The following TRIM24 variants were observed in gnomAD, a reference collection of about 807,000 sequenced individuals.
The protein encoded by TRIM24 is tripartite motif containing 24.
TRIM24 carries 29 observed loss-of-function variants against 123.9 expected under a neutral mutation model. The ratio of observed to expected loss-of-function variants is 0.23; its 90% CI spans 0.17 to 0.32. The LOEUF (loss-of-function observed/expected upper bound fraction) is 0.32. TRIM24 is among the 10% of genes least tolerant of loss of function. TRIM24 has a pLI of 1.00. For synonymous variants in TRIM24, 456 were observed against 461.1 expected, an observed-to-expected ratio of 0.99 and a Z score of 0.14; for missense variants, 932 against 1,295.3, an observed-to-expected ratio of 0.72 and a Z score of 4.31.
intron 6 of TRIM24, among the ~76,000 whole-genome samples, chr7:138,532,917 G>A (rs1362110269): frequency 1.3e-5 from 2 of 152,130 alleles, no homozygotes; most frequent in African/African-American, 4.8e-5. Context: ...TCTCCATGAA[G>A]GGGTCCTTCA....
At position 138,460,585 on chromosome 7, in the gene TRIM24, G is replaced by A; in HGVS notation, c.37G>A (p.Ala13Thr). Residue 13 changes from alanine to threonine, a missense_variant, in exon 1 of 19, where the codon GCA becomes ACA. Coordinates refer to ENST00000343526, the MANE Select transcript of TRIM24 (RefSeq NM_015905.3). ...GGTGGAGAAGGCGGTGGCGGCGGCG[G>A]CAGCGGCCTCGGCTGCGGCCTCCGG... ...VAVEKAVAAA[A>T]AASAAASGGP... 1.5e-6 allele frequency: 2 copies of A among 1,315,838 alleles called. No homozygotes were observed. Among genetic ancestry groups the A allele is most frequent in the Non-Finnish European group, 1.9e-6 (2 of 1,042,898 alleles). 81.5% of individuals were successfully genotyped at this position (1,315,838 alleles called of 1,614,324 possible). A position where few individuals can be genotyped will look rare whatever the true frequency, so the allele number is the denominator to read the frequency against.
chr7:138,533,344 A>G (rs887731772), intron 6 of TRIM24, among the ~76,000 whole-genome samples: 21 of 152,120 alleles, frequency 1.4e-4, no homozygotes, highest in African/African-American at 5.1e-4. Context: ...TATGATATTG[A>G]CTGTGGGTTT....
At chr7:138,511,396 G>C (rs1345861229) in intron 2 of TRIM24, among the ~76,000 whole-genome samples, 1 of 151,850 alleles carries the variant, frequency 6.6e-6, no homozygotes, top group East Asian at 1.9e-4. Flanking sequence ...TGCCTCCCAG[G>C]TTCAAGCGAT....
Position 138,577,510 on chromosome 7 carries a change from C to T in TRIM24, c.2178C>T (p.Asn726=), listed in dbSNP as rs1198787358. ...MLEPIRIKQE[N]SGPPENYDFP... is the part of the protein sequence containing the mutation. ...AGCCAATTCGAATAAAACAAGAAAA[C>T]AGTGGACCACCGGAAAATTATGATT... The change falls in exon 14 of 19, where the codon AAC becomes AAT. Residue 726 remains asparagine (N), a synonymous_variant. Transcript: ENST00000343526. 6.2e-7 allele frequency: 1 copy of T among 1,611,126 alleles called. No homozygotes were observed. The highest frequency in any genetic ancestry group is 8.5e-7 in the Non-Finnish European group (1 of 1,178,890).
intron 1 of TRIM24, among the ~76,000 whole-genome samples, chr7:138,494,069 C>A (rs1284546238): frequency 6.6e-6 from 1 of 151,988 alleles, no homozygotes; most frequent in Non-Finnish European, 1.5e-5. Context: ...GGAACCTCCG[C>A]CTCCTGGGTT....
At chr7:138,486,057 T>C (rs1170703148) in intron 1 of TRIM24, among the ~76,000 whole-genome samples, 1 of 152,238 alleles carries the variant, frequency 6.6e-6, no homozygotes, top group Non-Finnish European at 1.5e-5. Context: ...TGGTATCTCA[T>C]TGTGGTTTTG....
At chr7:138,546,212 G>A (rs573036328) in intron 7 of TRIM24, among the ~76,000 whole-genome samples, 3 of 152,252 alleles carry the variant, frequency 2.0e-5, no homozygotes, top group Non-Finnish European at 2.9e-5. Flanking sequence ...TTCCTGGCAC[G>A]TCATCATTTG....
chr7:138,467,593 G>A (rs914606428), intron 1 of TRIM24, among the ~76,000 whole-genome samples: 5 of 151,946 alleles, frequency 3.3e-5, no homozygotes, highest in South Asian at 2.1e-4. Flanking sequence ...TGCCCGCCTC[G>A]GCCTCCCAAA....
At chr7:138,549,342 C>T (rs1221387829) in intron 7 of TRIM24, among the ~76,000 whole-genome samples, 1 of 152,108 alleles carries the variant, frequency 6.6e-6, no homozygotes, top group Non-Finnish European at 1.5e-5. Context: ...CAGCACATAG[C>T]GGTGTGGGAG....
chr7:138,501,391 C>T (rs879647640), intron 1 of TRIM24, among the ~76,000 whole-genome samples: 2 of 151,882 alleles, frequency 1.3e-5, no homozygotes, highest in Non-Finnish European at 2.9e-5. Flanking sequence ...CCACTGCACC[C>T]GGCCAATTTG....
rs764592768 is a variant in TRIM24 at position 138,584,814 on chromosome 7, C to G, written c.3016C>G (p.Pro1006Ala). 1.2e-6 allele frequency: 2 copies of G among 1,613,192 alleles called. No individual in the cohort carries two copies. Among genetic ancestry groups the G allele is most frequent in the Non-Finnish European group, 1.7e-6 (2 of 1,179,684 alleles). Residue 1006 changes from proline (P) to alanine (A), a missense_variant, in exon 19 of 19, where the codon CCA (proline) becomes GCA (alanine). Transcript: ENST00000343526. ...TGAAGAACTTCTAAAGAACCTCTAT[C>G]CAGAAAAAAGGTTTCCCAAACCAGA... The part of the protein sequence containing the change: ...YFEELLKNLY[P>A]EKRFPKPEFR...
chr7:138,566,303 G>A (rs936326862), intron 9 of TRIM24, among the ~76,000 whole-genome samples: 1 of 152,016 alleles, frequency 6.6e-6, no homozygotes, highest in Admixed American at 6.6e-5. Context: ...ATCACTTGAG[G>A]TCAGGAGTTC....
intron 1 of TRIM24, 73 bp downstream of exon 1, chr7:138,460,985 G>T (rs1794951201): frequency 7.6e-6 from 10 of 1,308,768 alleles, no homozygotes; most frequent in Non-Finnish European, 9.8e-6. Context: ...TGTGCGGCGC[G>T]ACCCGCTGTC....
rs1263205161 is a variant in TRIM24, at chr7:138,584,015, G to A, written c.2943+16G>A. ...ATTCAATGAGGTGAGGCTAGGGGAG[G>A]GAAGGGGGCAGGAAGGAACAGCAGT... is the stretch of plus-strand genomic sequence containing the variant. On this transcript the variant is annotated intron_variant, in intron 18 of 18. Coordinates refer to ENST00000343526, the MANE Select transcript of TRIM24 (RefSeq NM_015905.3). The A allele has an allele frequency of 6.3e-7, 1 of 1,592,440 alleles. No homozygotes were observed. Among genetic ancestry groups the A allele is most frequent in the Non-Finnish European group, 8.5e-7 (1 of 1,174,212 alleles).
intron 2 of TRIM24, among the ~76,000 whole-genome samples, chr7:138,508,693 G>GCA (rs1491506792): frequency 1.4e-4 from 4 of 27,830 alleles, no homozygotes; most frequent in African/African-American, 2.2e-4. Context: ...GTGTGTGTGT[G>GCA]CGCGCGCGTG....
intron 1 of TRIM24, chr7:138,490,641 C>G (rs1417431230): frequency 6.0e-6 from 2 of 334,820 alleles, no homozygotes; most frequent in South Asian, 2.6e-5. Context: ...TATCTCATCC[C>G]CAGTTGCTTT....
chr7:138,523,905 C>T (rs925944709), intron 4 of TRIM24, among the ~76,000 whole-genome samples: 2 of 152,062 alleles, frequency 1.3e-5, no homozygotes, highest in South Asian at 2.1e-4. Context: ...GCCAGTCTCA[C>T]TCATGAAATG....
intron 2 of TRIM24, among the ~76,000 whole-genome samples, chr7:138,508,158 T>C (rs1796190427): frequency 6.6e-6 from 1 of 152,192 alleles, no homozygotes; most frequent in Non-Finnish European, 1.5e-5. Flanking sequence ...CTATTTAATG[T>C]TTTTGTTGCA....
In TRIM24 at chr7:138,579,187, T is replaced by C; in HGVS notation, c.2257-17T>C. ...TTTTTTTTAAAGCCAGTTAAATATA[T>C]TTTTTTTCTACTACAGGCCAATTAT... On this transcript the variant is annotated splice_polypyrimidine_tract_variant and intron_variant, in intron 14 of 18. Transcript: ENST00000343526. The C allele has an allele frequency of 6.6e-7, 1 of 1,526,218 alleles. No individual in the cohort carries two copies. The allele number at this position is 1,526,218 out of a possible 1,614,324, so 94.5% of individuals were successfully genotyped here.
Sources: allele counts gnomAD v4.1 joint callset (sites outside exome capture counted in the v4.1 genomes callset), GRCh38; gene constraint gnomAD v4.1.1; transcripts MANE v1.5; gene names NCBI Gene and HGNC (gene_info 2026-07-23, HGNC 2026-07-21).